RASSF2: variants seen among roughly 807,000 people sequenced by gnomAD.
RASSF2 encodes Ras association domain family member 2.
In RASSF2, 34 loss-of-function variants were observed where a neutral mutation model predicts 46.3. That is an observed-to-expected ratio of 0.73 (90% CI 0.56 to 0.98). The LOEUF is 0.98. Ranked by LOEUF, RASSF2 falls within the 50% of genes least tolerant of loss-of-function variation. The pLI, the probability that RASSF2 is intolerant of heterozygous loss-of-function variation, is 0.00. For synonymous variants in RASSF2, 158 were observed against 162.5 expected, an observed-to-expected ratio of 0.97 and a Z score of 0.21; for missense variants, 364 against 431.2, an observed-to-expected ratio of 0.84 and a Z score of 1.38.
rs539616168 is a variant in RASSF2 at position 4,792,562 on chromosome 20, C to A, written c.353G>T (p.Gly118Val). Residue 118 changes from glycine (G) to valine (V), a missense_variant, in exon 6 of 12, where the codon GGT becomes GTT. Transcript: ENST00000379400. ...QISEVDAPPE[G>V]DQMPSSTDSR... ...ACCTGTGGAGCTTGGCATCTGGTCA[C>A]CCTCCGGCGGGGCATCCACCTCTGA... The A allele has an allele frequency of 1.2e-6, 2 of 1,614,130 alleles. No homozygotes were observed. Among genetic ancestry groups the A allele is most frequent in the Admixed American group, 3.3e-5 (2 of 60,018 alleles).
intron 2 of RASSF2, among the ~76,000 whole-genome samples, chr20:4,818,634 C>T (rs749109193): frequency 6.6e-6 from 1 of 152,196 alleles, no homozygotes; most frequent in Non-Finnish European, 1.5e-5. Flanking sequence ...GGGCTTCCCC[C>T]AAAGCCCCTA....
At chr20:4,800,881 G>T in intron 3 of RASSF2, 91 bp downstream of exon 3, 1 of 1,070,422 alleles carries the variant, frequency 9.3e-7, no homozygotes, top group South Asian at 1.3e-5. Flanking sequence ...ATATACAGTG[G>T]GGGGCCCTCT....
intron 5 of RASSF2, among the ~76,000 whole-genome samples, chr20:4,794,344 G>A (rs1926155456): frequency 6.6e-6 from 1 of 152,054 alleles, no homozygotes. Flanking sequence ...CAAGGAAGGT[G>A]GATATCTTGA....
rs1439794033 is a variant in RASSF2, at chr20:4,781,227, A to G, written c.*3046T>C. ...AGACTTTTTTGCATGGAAAACAGATATTTTGGGGGGGGCATTATATGCTAC... is the reference window on the plus strand; with the variant it reads ...AGACTTTTTTGCATGGAAAACAGATGTTTTGGGGGGGGCATTATATGCTAC... On this transcript the variant is annotated 3_prime_UTR_variant, in exon 12 of 12. Transcript: ENST00000379400. The G allele has an allele frequency of 1.0e-5, 1 of 95,250 alleles. No individual in the cohort carries two copies. Among genetic ancestry groups the G allele is most frequent in the Non-Finnish European group, 2.4e-5 (1 of 41,016 alleles). The allele number at this position is 95,250 out of a possible 1,614,324, so 5.9% of individuals were successfully genotyped here. A position where few individuals can be genotyped will look rare whatever the true frequency, so the allele number is the denominator to read the frequency against.
chr20:4,813,002 G>A (rs1927951226), intron 2 of RASSF2, among the ~76,000 whole-genome samples: 1 of 152,152 alleles, frequency 6.6e-6, no homozygotes, highest in Non-Finnish European at 1.5e-5. Flanking sequence ...AGGGGCCAGG[G>A]AGAGAGGCCC....
At chr20:4,796,234 G>A (rs891680796) in intron 4 of RASSF2, among the ~76,000 whole-genome samples, 5 of 152,190 alleles carry the variant, frequency 3.3e-5, no homozygotes, top group African/African-American at 9.7e-5. Flanking sequence ...AAAAAGCATT[G>A]TTTTTCTTTT....
intron 2 of RASSF2, among the ~76,000 whole-genome samples, chr20:4,811,392 G>A (rs1001776752): frequency 2.6e-5 from 4 of 151,982 alleles, no homozygotes; most frequent in African/African-American, 9.7e-5. Context: ...CCAGATTGCA[G>A]CCCAGATCAA....
At position 4,787,772 on chromosome 20, in the gene RASSF2, C is replaced by T. The variant is rs780177121; in HGVS notation, c.692-18G>A. ...CTGTTTCTCTGCAACCACACACACC[C>T]AGGAGCAGCCCTGAGAGGCCTTTCT... On this transcript the variant is annotated intron_variant, in intron 9 of 11. Coordinates refer to ENST00000379400, the MANE Select transcript of RASSF2 (RefSeq NM_014737.3). 1.2e-5 allele frequency: 20 copies of T among 1,614,128 alleles called. No homozygotes were observed. The highest frequency in any genetic ancestry group is 1.4e-5 in the Non-Finnish European group (17 of 1,180,022).
intron 11 of RASSF2, among the ~76,000 whole-genome samples, chr20:4,784,694 A>G (rs890806847): frequency 2.0e-5 from 3 of 152,002 alleles, no homozygotes; most frequent in African/African-American, 7.2e-5. Flanking sequence ...CACTATGCAT[A>G]GTACTTCATA....
At chr20:4,796,524 G>T (rs559051998) in intron 4 of RASSF2, among the ~76,000 whole-genome samples, 7 of 152,198 alleles carry the variant, frequency 4.6e-5, no homozygotes, top group African/African-American at 1.7e-4. Flanking sequence ...GAGAGGCTGT[G>T]CTAATCAGAT....
intron 2 of RASSF2, among the ~76,000 whole-genome samples, chr20:4,806,445 TTC>T (rs1927349192): frequency 6.6e-6 from 1 of 152,152 alleles, no homozygotes; most frequent in Admixed American, 6.5e-5. Context: ...CTTCCTCCCA[TTC>T]TTGGTTCTTT....
rs550990246 is a variant in RASSF2, at chr20:4,818,362, A to G, written c.-33+3967T>C. 6.6e-5 allele frequency among the ~76,000 whole-genome samples: 10 copies of G among 152,292 alleles called. No homozygotes were observed. The South Asian group carries it at 1.9e-3, about 28-fold the overall frequency. The stretch of plus-strand genomic sequence containing the variant: ...TCAACCGGTTTGGGGCAGCGCTTGA[A>G]CATATCCCATGACTTGGATGCCTAA... On this transcript the variant is annotated intron_variant, in intron 2 of 11. Transcript: ENST00000379400.
intron 2 of RASSF2, 25 bp from the exon 3 acceptor site, chr20:4,801,087 G>C: frequency 6.3e-7 from 1 of 1,586,210 alleles, no homozygotes; most frequent in Non-Finnish European, 8.7e-7. Flanking sequence ...AGAAGACAGA[G>C]GTTAAAGTCA....
chr20:4,799,898 G>A (rs1190977851), intron 3 of RASSF2, among the ~76,000 whole-genome samples: 1 of 152,140 alleles, frequency 6.6e-6, no homozygotes. Context: ...GATCACCTGA[G>A]GTCAGGTGTT....
At chr20:4,800,110 T>TA (rs34035434) in intron 3 of RASSF2, among the ~76,000 whole-genome samples, 1,878 of 140,676 alleles carry the variant, frequency 0.013, 16 homozygotes, top group Middle Eastern at 0.032. Context: ...AGAGTCCTTC[T>TA]AAAAAAAAAA....
chr20:4,792,787 C>T (rs1274885732), intron 5 of RASSF2, among the ~76,000 whole-genome samples, 160 bp from the exon 6 acceptor site: 2 of 152,190 alleles, frequency 1.3e-5, no homozygotes, highest in African/African-American at 2.4e-5. Context: ...AGATGGGCTG[C>T]GCGGAGCATC....
rs1438015034 is a variant in RASSF2, at chr20:4,782,645, GT to G, written c.*1627del. 2 of 152,406 alleles carry G rather than the reference GT, an allele frequency of 1.3e-5. No individual in the cohort carries two copies. Among genetic ancestry groups the G allele is most frequent in the East Asian group, 3.9e-4 (2 of 5,188 alleles). The allele number at this position is 152,406 out of a possible 1,614,324, so 9.4% of individuals were successfully genotyped here. A position where few individuals can be genotyped will look rare whatever the true frequency, so the allele number is the denominator to read the frequency against. ...TGTGAGCCTTCTCAAGAAGCCATAG[GT>G]ATGAATCGGGGGCAGGAGGGTGCCC... On this transcript the variant is annotated 3_prime_UTR_variant, in exon 12 of 12. Coordinates refer to ENST00000379400, the MANE Select transcript of RASSF2 (RefSeq NM_014737.3).
intron 2 of RASSF2, among the ~76,000 whole-genome samples, chr20:4,811,888 G>A (rs937021195): frequency 3.3e-5 from 5 of 152,184 alleles, no homozygotes; most frequent in African/African-American, 1.2e-4. Context: ...CTCCTGGGTT[G>A]GAGAAGAAAG....
chr20:4,820,124 T>C (rs1462690932), intron 2 of RASSF2, among the ~76,000 whole-genome samples: 1 of 152,176 alleles, frequency 6.6e-6, no homozygotes, highest in South Asian at 2.1e-4. Flanking sequence ...CACACGGCCA[T>C]GTGGTCCACA....
Sources: allele counts gnomAD v4.1 joint callset (sites outside exome capture counted in the v4.1 genomes callset), GRCh38; gene constraint gnomAD v4.1.1; transcripts MANE v1.5; gene names NCBI Gene and HGNC (gene_info 2026-07-23, HGNC 2026-07-21).